CDHR1: variants seen among roughly 807,000 people sequenced by gnomAD.
The protein encoded by CDHR1 is cadherin-related family member 1.
Under a neutral mutation model 72.1 loss-of-function variants are expected in CDHR1, and 61 were observed. The ratio of observed to expected loss-of-function variants is 0.85; its 90% CI spans 0.69 to 1.05. The LOEUF is 1.05. Ranked by LOEUF, CDHR1 falls within the 50% of genes least tolerant of loss-of-function variation. The pLI is 0.00. For synonymous variants in CDHR1, 470 were observed against 448.1 expected (o/e 1.05, Z -0.62); for missense variants, 1,186 against 1,115.7 (o/e 1.06, Z -0.90).
At chr10:84,198,093 C>G (rs1842059535) in intron 4 of CDHR1, among the ~76,000 whole-genome samples, 1 of 152,214 alleles carries the variant, frequency 6.6e-6, no homozygotes. Flanking sequence ...CACAGCATCT[C>G]CTCAAACTTG....
At chr10:84,208,677 T>C (rs1301461396) in intron 11 of CDHR1, 52 bp from the exon 12 acceptor site, 2 of 1,567,548 alleles carry the variant, frequency 1.3e-6, no homozygotes, top group Non-Finnish European at 1.8e-6. Flanking sequence ...AGTATGATTA[T>C]GAATTTCTAT....
chr10:84,216,532 G>T lies in CDHR1; in HGVS notation c.*1911G>T. 1.0e-6 allele frequency: 1 copy of T among 985,532 alleles called. No homozygotes were observed. The highest frequency in any genetic ancestry group is 1.2e-6 in the Non-Finnish European group (1 of 829,970). 61.0% of individuals were successfully genotyped at this position (985,532 alleles called of 1,614,324 possible). On this transcript the variant is annotated 3_prime_UTR_variant, in exon 17 of 17. Transcript: ENST00000623527. ...AAGTCTGTTACCCAAAGGCCATGCT[G>T]ATCCCCTGCTCCCTGCTTTCATTTA...
Position 84,216,575 on chromosome 10 carries a change from A to G in CDHR1, c.*1954A>G. 1.0e-6 allele frequency: 1 copy of G among 985,504 alleles called. No individual in the cohort carries two copies. The highest frequency in any genetic ancestry group is 1.2e-6 in the Non-Finnish European group (1 of 829,952). The allele number at this position is 985,504 out of a possible 1,614,324, so 61.0% of individuals were successfully genotyped here. ...TTCATTTATGTTTGCTGACCTGTGG[A>G]GACCAGTCTTTCTGACACACAGTGA... On this transcript the variant is annotated 3_prime_UTR_variant, in exon 17 of 17. Transcript: ENST00000623527.
intron 6 of CDHR1, 125 bp downstream of exon 6, chr10:84,200,812 G>A (rs981901803): frequency 1.4e-6 from 1 of 715,130 alleles, no homozygotes; most frequent in Non-Finnish European, 2.5e-6. Flanking sequence ...TACATGAAGG[G>A]TTGGGATGGG....
Position 84,215,695 on chromosome 10 carries a change from T to C in CDHR1, c.*1074T>C. On this transcript the variant is annotated 3_prime_UTR_variant, in exon 17 of 17. Transcript: ENST00000623527. ...GCAAAGCGGCATGAATGCAAAGTAT[T>C]TTTCTGCAGCCCAGTTCTGTGGGTG... The C allele has an allele frequency of 1.0e-6, 1 of 985,388 alleles. No homozygotes were observed. The highest frequency in any genetic ancestry group is 1.2e-6 in the Non-Finnish European group (1 of 829,932). The allele number at this position is 985,388 out of a possible 1,614,324, so 61.0% of individuals were successfully genotyped here. A position where few individuals can be genotyped will look rare whatever the true frequency, so the allele number is the denominator to read the frequency against.
chr10:84,198,925 AG>A, intron 4 of CDHR1, 106 bp from the exon 5 acceptor site: 7 of 807,618 alleles, frequency 8.7e-6, no homozygotes, highest in Non-Finnish European at 1.5e-5. Context: ...AGAGAGAGAG[AG>A]GAGGGATGGG....
rs944908235 is a variant in CDHR1 at position 84,199,061 on chromosome 10, C to T, written c.378C>T (p.Thr126=). The change falls in exon 5 of 17, where the codon ACC becomes ACT. Residue 126 remains threonine (T), a synonymous_variant. Transcript: ENST00000623527. ...LVAEKVVILV[T]DANDEAPRFI... ...CCGAAAAAGTCGTGATCCTGGTGAC[C>T]GATGCCAATGATGAGGCGCCCAGGT... 1.3e-5 allele frequency: 20 copies of T among 1,551,660 alleles called. No homozygotes were observed. In the Middle Eastern group the frequency reaches 6.7e-4, roughly 52 times the overall value.
chr10:84,213,189 G>A lies in CDHR1; in HGVS notation c.1881G>A (p.Gly627=), dbSNP rs1842368060. ...TGTTCGACATCAATTCCCACACGGG[G>A]GAGATCTGGCTCAAGAATTCCATCC... ...ANVFDINSHT[G]EIWLKNSIRS... The change falls in exon 16 of 17, where the codon GGG becomes GGA. Residue 627 remains glycine, a synonymous_variant. Transcript: ENST00000623527. 6.2e-7 allele frequency: 1 copy of A among 1,614,198 alleles called. No homozygotes were observed. The highest frequency in any genetic ancestry group is 8.5e-7 in the Non-Finnish European group (1 of 1,180,044).
intron 13 of CDHR1, among the ~76,000 whole-genome samples, 170 bp downstream of exon 13, chr10:84,211,335 T>TA (rs1470803804): frequency 6.6e-6 from 1 of 152,242 alleles, no homozygotes; most frequent in African/African-American, 2.4e-5. Flanking sequence ...TGATGGGTAT[T>TA]ACAACACCTC....
intron 8 of CDHR1, among the ~76,000 whole-genome samples, chr10:84,203,477 C>T (rs1483092798): frequency 2.0e-5 from 3 of 151,996 alleles, no homozygotes; most frequent in Admixed American, 6.5e-5. Flanking sequence ...TGCAATGGTG[C>T]GATCTGGGCT....
Position 84,212,341 on chromosome 10 carries a change from C to A in CDHR1, c.1716C>A (p.His572Gln), listed in dbSNP as rs775184691. ...VFITLLDVNDHPPQFGKSVQK... is the reference protein window; with the variant it reads ...VFITLLDVNDQPPQFGKSVQK... The stretch of plus-strand genomic sequence containing the variant: ...TCACACTGCTGGATGTCAATGACCA[C>A]CCCCCTCAGTTTGGAAAGAGCGTTC... Residue 572 changes from histidine to glutamine, a missense_variant, in exon 15 of 17, where the codon CAC becomes CAA. Transcript: ENST00000623527. The A allele has an allele frequency of 2.5e-6, 4 of 1,614,154 alleles. No individual in the cohort carries two copies. Among genetic ancestry groups the A allele is most frequent in the South Asian group, 2.2e-5 (2 of 91,086 alleles).
intron 4 of CDHR1, 128 bp downstream of exon 4, chr10:84,197,964 G>C: frequency 1.1e-6 from 1 of 878,474 alleles, no homozygotes; most frequent in South Asian, 1.4e-5. Context: ...GGCCCAGCAA[G>C]ACCTGCCCAA....
At chr10:84,207,877 G>T (rs7074853) in intron 10 of CDHR1, among the ~76,000 whole-genome samples, 2,233 of 152,262 alleles carry the variant, frequency 0.015, 58 homozygotes, top group African/African-American at 0.05. Flanking sequence ...GGACTAAGAG[G>T]TTCAGCTCCT....
At chr10:84,206,374 G>A (rs1842226719) in intron 10 of CDHR1, among the ~76,000 whole-genome samples, 1 of 152,220 alleles carries the variant, frequency 6.6e-6, no homozygotes, top group Non-Finnish European at 1.5e-5. Context: ...GTCCTGAATG[G>A]GAGGTATGGA....
Position 84,214,189 on chromosome 10 carries a change from T to C in CDHR1, c.2148T>C (p.Thr716=). 5.0e-6 allele frequency: 8 copies of C among 1,614,138 alleles called. No individual in the cohort carries two copies. Among genetic ancestry groups the C allele is most frequent in the Non-Finnish European group, 6.8e-6 (8 of 1,180,038 alleles). Residue 716 remains threonine (T), a synonymous_variant, in exon 17 of 17, where the codon ACT becomes ACC. Transcript: ENST00000623527. ...AGTMATVVAI[T]VLISTATFWR... ...CCATGGCCACCGTCGTGGCCATCAC[T>C]GTCCTCATCTCCACCGCCACCTTCT...
chr10:84,205,937 C>T lies in CDHR1; in HGVS notation c.963+10C>T, dbSNP rs1421932958. 6.2e-7 allele frequency: 1 copy of T among 1,607,538 alleles called. No individual in the cohort carries two copies. Among genetic ancestry groups the T allele is most frequent in the African/African-American group, 1.3e-5 (1 of 74,806 alleles). On this transcript the variant is annotated intron_variant, in intron 10 of 16. Transcript: ENST00000623527. ...TGAGCTGCATGTACAGGTACCCTCC[C>T]TCTAGCTTTGTCTTCCCTGCCCACC... is the stretch of plus-strand genomic sequence containing the variant.
intron 5 of CDHR1, among the ~76,000 whole-genome samples, chr10:84,200,127 G>A (rs189637065): frequency 3.3e-4 from 49 of 150,560 alleles, no homozygotes; most frequent in African/African-American, 1.0e-3. Context: ...CCAAGATCAC[G>A]CCATTGCACT....
At chr10:84,205,959 C>T in intron 10 of CDHR1, 32 bp downstream of exon 10, 1 of 1,533,710 alleles carries the variant, frequency 6.5e-7, no homozygotes, top group Non-Finnish European at 9.0e-7. Context: ...CTTCCCTGCC[C>T]ACCTTTGGCC....
In CDHR1 at chr10:84,214,800, G is replaced by T; in HGVS notation, c.*179G>T. On this transcript the variant is annotated 3_prime_UTR_variant, in exon 17 of 17. Coordinates refer to ENST00000623527, the MANE Select transcript of CDHR1 (RefSeq NM_033100.4). ...CTGGCGCAACAAGAAGTTGCGCTCT[G>T]ACAGGGCTCTAGTCAGGGCCTTGGG... 6.5e-7 allele frequency: 1 copy of T among 1,536,156 alleles called. No individual in the cohort carries two copies. The highest frequency in any genetic ancestry group is 8.7e-7 in the Non-Finnish European group (1 of 1,148,904).
Sources: gnomAD v4.1 joint callset for allele counts (sites outside exome capture counted in the v4.1 genomes callset) on GRCh38, gnomAD v4.1.1 for gene constraint, MANE v1.5 for transcripts, NCBI Gene and HGNC (gene_info 2026-07-23, HGNC 2026-07-21) for gene names.